Variants in CALU observed in about 807,000 individuals in gnomAD.
CALU encodes IEF SSP 9302.
Under a neutral mutation model 37.5 loss-of-function variants are expected in CALU, and 13 were observed. The ratio of observed to expected loss-of-function variants is 0.35; its 90% confidence interval spans 0.23 to 0.55. The LOEUF is 0.55. CALU is among the 20% of genes least tolerant of loss of function. The pLI is 0.89. For missense variants in CALU, 282 were observed against 391.7 expected (o/e 0.72, Z 2.36); for synonymous variants, 114 against 133.8 (o/e 0.85, Z 1.02).
intron 1 of CALU, among the ~76,000 whole-genome samples, chr7:128,741,852 C>A (rs1018741704): frequency 2.0e-5 from 3 of 152,140 alleles, no homozygotes; most frequent in Non-Finnish European, 2.9e-5. Context: ...ATTTCTAGAA[C>A]TTTTTTCTTT....
chr7:128,748,576 T>C lies in CALU; in HGVS notation c.-8T>C. On this transcript the variant is annotated 5_prime_UTR_variant, in exon 2 of 7. Coordinates refer to ENST00000249364, the MANE Select transcript of CALU (RefSeq NM_001219.5). The stretch of plus-strand genomic sequence containing the variant: ...ACTGCTTTTCATTTTCTTCAAGATC[T>C]AATTATCATGGACCTGCGACAGTTT... The C allele has an allele frequency of 6.2e-7, 1 of 1,609,664 alleles. No homozygotes were observed. Among genetic ancestry groups the C allele is most frequent in the Non-Finnish European group, 8.5e-7 (1 of 1,177,280 alleles).
Position 128,772,496 on chromosome 7 carries a change from T to C in CALU, c.*3329T>C. 6.2e-7 allele frequency: 1 copy of C among 1,613,020 alleles called. No individual in the cohort carries two copies. Among genetic ancestry groups the C allele is most frequent in the Non-Finnish European group, 8.5e-7 (1 of 1,179,102 alleles). On this transcript the variant is annotated 3_prime_UTR_variant, in exon 7 of 7. Transcript: ENST00000249364. ...GAGACAATAGAAACTTACTTAAAAG[T>C]AAAATTTAATTCTAGCTGTTGCAAA...
chr7:128,772,599 A>T lies in CALU; in HGVS notation c.*3432A>T, dbSNP rs150426624. 2 of 1,614,158 alleles carry T rather than the reference A, an allele frequency of 1.2e-6. No homozygotes were observed. Among genetic ancestry groups the T allele is most frequent in the African/African-American group, 2.7e-5 (2 of 75,048 alleles). On this transcript the variant is annotated 3_prime_UTR_variant, in exon 7 of 7. Coordinates refer to ENST00000249364, the MANE Select transcript of CALU (RefSeq NM_001219.5). ...GAAACTTCTGTTTTCTGGGAGCTGCATGTGTCGGATTCATCTGTCATGGCC... is the reference window on the plus strand; with the variant it reads ...GAAACTTCTGTTTTCTGGGAGCTGCTTGTGTCGGATTCATCTGTCATGGCC...
intron 3 of CALU, 99 bp downstream of exon 3, chr7:128,754,554 G>A: frequency 2.6e-6 from 4 of 1,556,288 alleles, no homozygotes; most frequent in Middle Eastern, 1.7e-4. Context: ...AATAGACGCG[G>A]ATAAAGATGG....
chr7:128,773,115 A>G lies in CALU; in HGVS notation c.*3948A>G, dbSNP rs146689090. Among the ~76,000 whole-genome samples the G allele has an allele frequency of 4.8e-3, 738 of 152,328 alleles. 9 individuals are homozygous for G. The highest frequency in any genetic ancestry group is 0.017 in the African/African-American group (705 of 41,562). On this transcript the variant is annotated 3_prime_UTR_variant, in exon 7 of 7. Transcript: ENST00000249364. ...AGCTCGGATTTCAGATGGGATAGGA[A>G]ATCCCCCAGTACCTTCAGATGATAA...
chr7:128,741,064 G>A (rs1033589593), intron 1 of CALU, among the ~76,000 whole-genome samples: 16 of 152,148 alleles, frequency 1.1e-4, no homozygotes, highest in African/African-American at 1.9e-4. Flanking sequence ...TTTCTGTAAC[G>A]TAGGTATACC....
intron 3 of CALU, among the ~76,000 whole-genome samples, chr7:128,757,646 T>C (rs1249557301): frequency 6.6e-6 from 1 of 152,154 alleles, no homozygotes; most frequent in African/African-American, 2.4e-5. Context: ...AATCAATATG[T>C]TGCAGGAACA....
At chr7:128,759,238 T>C (rs935693033) in intron 4 of CALU, among the ~76,000 whole-genome samples, 3 of 152,230 alleles carry the variant, frequency 2.0e-5, no homozygotes, top group Admixed American at 2.0e-4. Context: ...CAAGGTGCCT[T>C]GGGCATTCTG....
At chr7:128,759,890 G>T (rs1801036253) in intron 5 of CALU, 38 bp downstream of exon 5, 1 of 1,059,482 alleles carries the variant, frequency 9.4e-7, no homozygotes, top group South Asian at 1.3e-5. Context: ...TAGAAAAGCT[G>T]AGAAGCTTTG....
intron 1 of CALU, among the ~76,000 whole-genome samples, chr7:128,745,204 A>G (rs1328612670): frequency 6.6e-6 from 1 of 152,126 alleles, no homozygotes; most frequent in African/African-American, 2.4e-5. Context: ...TGTTGCAGTG[A>G]CTCTTGATTT....
At chr7:128,762,873 G>A (rs1468284796) in intron 5 of CALU, among the ~76,000 whole-genome samples, 1 of 151,934 alleles carries the variant, frequency 6.6e-6, no homozygotes, top group African/African-American at 2.4e-5. Context: ...CACCATGTTG[G>A]CCAGGGTGAT....
intron 5 of CALU, among the ~76,000 whole-genome samples, chr7:128,764,333 G>C (rs1023711895): frequency 1.3e-5 from 2 of 152,062 alleles, no homozygotes; most frequent in Non-Finnish European, 2.9e-5. Context: ...CAGCAACTCA[G>C]GAGGATCACT....
intron 3 of CALU, 102 bp from the exon 4 acceptor site, chr7:128,758,769 C>T (rs1462374064): frequency 1.2e-6 from 1 of 814,742 alleles, no homozygotes; most frequent in Middle Eastern, 3.6e-4. Flanking sequence ...ATTATTTCTT[C>T]CTTGCATGGT....
At chr7:128,755,309 C>CA (rs59208090) in intron 3 of CALU, among the ~76,000 whole-genome samples, 7,047 of 51,340 alleles carry the variant, frequency 0.14, 1,092 homozygotes, top group Middle Eastern at 0.25. Flanking sequence ...GAGCTCTGTC[C>CA]AAAAAAAAAA....
intron 2 of CALU, among the ~76,000 whole-genome samples, chr7:128,750,220 C>CAA (rs398006225): frequency 1.7e-4 from 13 of 75,026 alleles, no homozygotes; most frequent in East Asian, 8.2e-4. Flanking sequence ...AGAGCCATCT[C>CAA]AAAAAAAAAA....
In CALU at chr7:128,767,662, C is replaced by G. The variant is rs747286943; in HGVS notation, c.843+7C>G. 2 of 1,611,652 alleles carry G rather than the reference C, an allele frequency of 1.2e-6. No homozygotes were observed. The highest frequency in any genetic ancestry group is 1.7e-6 in the Non-Finnish European group (2 of 1,177,922). ...TGAATCAGACCAAAACAAGGTAAGT[C>G]TGGCGAGGCCCACACGCTCTATCCT... On this transcript the variant is annotated splice_region_variant and intron_variant, in intron 6 of 6. Coordinates refer to ENST00000249364, the MANE Select transcript of CALU (RefSeq NM_001219.5).
At chr7:128,757,726 G>T (rs184322772) in intron 3 of CALU, among the ~76,000 whole-genome samples, 1 of 151,864 alleles carries the variant, frequency 6.6e-6, no homozygotes, top group Non-Finnish European at 1.5e-5. Flanking sequence ...TCTTAATTTG[G>T]TTTATACAGG....
At chr7:128,762,668 A>G (rs1380601337) in intron 5 of CALU, among the ~76,000 whole-genome samples, 3 of 151,528 alleles carry the variant, frequency 2.0e-5, no homozygotes, top group African/African-American at 7.3e-5. Context: ...TTATTTGTTT[A>G]TTTATTTATG....
rs983602277 is a variant in CALU at position 128,760,350 on chromosome 7, A to G, written c.643+498A>G. On this transcript the variant is annotated intron_variant, in intron 5 of 6. Coordinates refer to ENST00000249364, the MANE Select transcript of CALU (RefSeq NM_001219.5). ...ATCCGTAGCCACATTGCCCAATCAA[A>G]ATATAAATGTGAGCCCCATATGTAA... Among the ~76,000 whole-genome samples the G allele has an allele frequency of 3.4e-4, 51 of 152,226 alleles. 1 individual carries two copies. Among genetic ancestry groups the G allele is most frequent in the Non-Finnish European group, 1.5e-5 (1 of 68,040 alleles).
Sources: gnomAD v4.1 joint callset for allele counts (sites outside exome capture counted in the v4.1 genomes callset) on GRCh38, gnomAD v4.1.1 for gene constraint, MANE v1.5 for transcripts, NCBI Gene and HGNC (gene_info 2026-07-23, HGNC 2026-07-21) for gene names.